CD59: variants seen among roughly 807,000 people sequenced by gnomAD.
The protein encoded by CD59 is CD59 molecule (CD59 blood group).
CD59 carries 3 observed loss-of-function variants against 7.0 expected under a neutral mutation model. The observed-to-expected ratio is 0.43, with a 90% CI of 0.19 to 1.10. The LOEUF is 1.10. Among genes scored for constraint, CD59 ranks in the 50% least tolerant of loss-of-function variants. CD59 has a pLI of 0.29. For synonymous variants in CD59, 60 were observed against 62.0 expected (o/e 0.97, Z 0.15); for missense variants, 143 against 151.0 (o/e 0.95, Z 0.28).
chr11:33,711,275 T>C, intron 3 of CD59: 1 of 615,798 alleles, frequency 1.6e-6, no homozygotes, highest in Non-Finnish European at 2.9e-6. Flanking sequence ...CAGACCAGCC[T>C]GGTCAACATG....
At chr11:33,722,511 C>T (rs1351461987) in intron 1 of CD59, 48 bp from the exon 2 acceptor site, 3 of 1,606,706 alleles carry the variant, frequency 1.9e-6, no homozygotes, top group East Asian at 2.2e-5. Flanking sequence ...CAAATGACTG[C>T]TGGTTGTCTC....
At chr11:33,722,521 CA>C in intron 1 of CD59, 58 bp from the exon 2 acceptor site, 1 of 1,602,340 alleles carries the variant, frequency 6.2e-7, no homozygotes. Flanking sequence ...CTGGTTGTCT[CA>C]AAAACCAAGG....
At chr11:33,716,857 C>T (rs1032653337) in intron 3 of CD59, among the ~76,000 whole-genome samples, 1 of 152,190 alleles carries the variant, frequency 6.6e-6, no homozygotes, top group African/African-American at 2.4e-5. Flanking sequence ...CAGCTTGAGT[C>T]TCCTCAGGAC....
In CD59 at chr11:33,724,280, C is replaced by T. The variant is rs72920512; in HGVS notation, c.-18-1817G>A. Among the ~76,000 whole-genome samples, 206 of 152,360 alleles carry T rather than the reference C, an allele frequency of 1.4e-3. 1 individual carries two copies. Among genetic ancestry groups the T allele is most frequent in the Non-Finnish European group, 2.4e-3 (162 of 68,034 alleles). On this transcript the variant is annotated intron_variant, in intron 1 of 3. Transcript: ENST00000642928. ...GTCCTTGACATAAATCACACTGCCA[C>T]AACACACAGGGCCCCTGATGGGGAG... is the stretch of plus-strand genomic sequence containing the variant.
rs1042409422 is a variant in CD59 at position 33,705,055 on chromosome 11, T to TA, written c.*5070dup. The stretch of plus-strand genomic sequence containing the variant: ...CCTATGTACTTGCAGAGTAAGAATT[T>TA]AAAAAAATAAACCTGAGAGGTAGTT... On this transcript the variant is annotated 3_prime_UTR_variant, in exon 4 of 4. Coordinates refer to ENST00000642928, the MANE Select transcript of CD59 (RefSeq NM_000611.6). 1 of 152,128 alleles carries TA rather than the reference T, an allele frequency of 6.6e-6. No individual in the cohort carries two copies. The highest frequency in any genetic ancestry group is 1.5e-5 in the Non-Finnish European group (1 of 68,022). The allele number at this position is 152,128 out of a possible 1,614,324, so 9.4% of individuals were successfully genotyped here. A position where few individuals can be genotyped will look rare whatever the true frequency, so the allele number is the denominator to read the frequency against.
At chr11:33,711,056 G>GT (rs1853533654) in intron 3 of CD59, among the ~76,000 whole-genome samples, 1 of 150,328 alleles carries the variant, frequency 6.7e-6, no homozygotes, top group East Asian at 1.9e-4. Flanking sequence ...TAAAGGTGGG[G>GT]GGGGGGCAGA....
At chr11:33,720,921 G>A (rs1854032088) in intron 2 of CD59, among the ~76,000 whole-genome samples, 1 of 152,192 alleles carries the variant, frequency 6.6e-6, no homozygotes. Context: ...GGGCATGTGA[G>A]CTTCACATCT....
intron 1 of CD59, among the ~76,000 whole-genome samples, chr11:33,727,441 A>T (rs1423051754): frequency 6.6e-6 from 1 of 152,250 alleles, no homozygotes; most frequent in East Asian, 1.9e-4. Flanking sequence ...ATCTCAATAG[A>T]CACAGAAAAC....
chr11:33,734,706 G>T (rs1335958636), intron 1 of CD59, among the ~76,000 whole-genome samples: 1 of 152,208 alleles, frequency 6.6e-6, no homozygotes, highest in Non-Finnish European at 1.5e-5. Flanking sequence ...CAAAACCAAG[G>T]TTTAGTGAAT....
At chr11:33,722,133 T>G (rs704701) in intron 2 of CD59, among the ~76,000 whole-genome samples, 56,304 of 151,864 alleles carry the variant, frequency 0.37, 11,271 homozygotes, top group African/African-American at 0.51. Context: ...CAGCCGCCGA[T>G]TGTTGACCCA....
rs1460751062 is a variant in CD59, at chr11:33,736,161, G to A, written c.-19+221C>T. ...GCTTCTGGGAGAGGGCGCGCTCCCCGTTTCTCCTTCCTCGTAGATAAAATG... is the reference window on the plus strand; with the variant it reads ...GCTTCTGGGAGAGGGCGCGCTCCCCATTTCTCCTTCCTCGTAGATAAAATG... On this transcript the variant is annotated intron_variant, in intron 1 of 3. Coordinates refer to ENST00000642928, the MANE Select transcript of CD59 (RefSeq NM_000611.6). This position sits in a 1 kb window ranked among gnomAD's most constrained non-coding sequence, Gnocchi z 4.4. 6.6e-6 allele frequency among the ~76,000 whole-genome samples: 1 copy of A among 152,114 alleles called. No homozygotes were observed. The highest frequency in any genetic ancestry group is 1.5e-5 in the Non-Finnish European group (1 of 68,000).
chr11:33,730,217 CAA>C (rs1341637508), intron 1 of CD59, among the ~76,000 whole-genome samples: 3 of 151,290 alleles, frequency 2.0e-5, no homozygotes, highest in African/African-American at 7.3e-5. Flanking sequence ...TTGCTTGAGC[CAA>C]GAGTTTGAGA....
At chr11:33,727,702 G>T (rs1854299334) in intron 1 of CD59, among the ~76,000 whole-genome samples, 1 of 152,144 alleles carries the variant, frequency 6.6e-6, no homozygotes, top group Non-Finnish European at 1.5e-5. Context: ...GAAATAAAGG[G>T]TATTCAATTG....
chr11:33,725,500 A>T (rs1485164206), intron 1 of CD59, among the ~76,000 whole-genome samples: 1 of 152,194 alleles, frequency 6.6e-6, no homozygotes, highest in Non-Finnish European at 1.5e-5. Flanking sequence ...TATTGTTCTG[A>T]ATGATTTTTA....
At position 33,704,166 on chromosome 11, in the gene CD59, T is replaced by G. The variant is rs1466641303; in HGVS notation, c.*5960A>C. 1 of 152,224 alleles carries G rather than the reference T, an allele frequency of 6.6e-6. No individual in the cohort carries two copies. Among genetic ancestry groups the G allele is most frequent in the African/African-American group, 2.4e-5 (1 of 41,424 alleles). The allele number at this position is 152,224 out of a possible 1,614,324, so 9.4% of individuals were successfully genotyped here. ...TGGCTCTGGGCAGCCTTTGGACATG[T>G]AGTGGTTGTGTCTTGGAATACAAGA... is the stretch of plus-strand genomic sequence containing the variant. On this transcript the variant is annotated 3_prime_UTR_variant, in exon 4 of 4. Transcript: ENST00000642928.
Position 33,721,089 on chromosome 11 carries a change from G to GA in CD59, c.67+1289dup, listed in dbSNP as rs11413393. On this transcript the variant is annotated intron_variant, in intron 2 of 3. Coordinates refer to ENST00000642928, the MANE Select transcript of CD59 (RefSeq NM_000611.6). Reference sequence around the variant, plus strand: ...TATTCCAACTTAAGCAGCAGAGACAGAAAAAAAGAAGGAACCAAGAAAAAT... The same window carrying GA: ...TATTCCAACTTAAGCAGCAGAGACAGAAAAAAAAGAAGGAACCAAGAAAAAT... 5.5e-3 allele frequency among the ~76,000 whole-genome samples: 838 copies of GA among 151,776 alleles called. 8 individuals carry two copies. Among genetic ancestry groups the GA allele is most frequent in the African/African-American group, 0.019 (805 of 41,418 alleles).
chr11:33,726,364 G>T (rs1854260063), intron 1 of CD59, among the ~76,000 whole-genome samples: 1 of 152,154 alleles, frequency 6.6e-6, no homozygotes, highest in Non-Finnish European at 1.5e-5. Flanking sequence ...TTAGAACTCA[G>T]GATTAAGAAA....
chr11:33,717,981 A>G, intron 2 of CD59: 1 of 185,640 alleles, frequency 5.4e-6, no homozygotes, highest in South Asian at 1.1e-4. Flanking sequence ...GCGAGGGAAC[A>G]CTAATTTTGA....
intron 2 of CD59, chr11:33,718,692 T>A (rs1356549591): frequency 6.6e-6 from 1 of 152,190 alleles, no homozygotes; most frequent in African/African-American, 2.4e-5. Context: ...TCATCTTACA[T>A]CAGAAGCAAA....
Sources: allele counts gnomAD v4.1 joint callset (sites outside exome capture counted in the v4.1 genomes callset), GRCh38; gene constraint gnomAD v4.1.1; non-coding constraint Gnocchi (gnomAD v3.1); transcripts MANE v1.5; gene names NCBI Gene and HGNC (gene_info 2026-07-23, HGNC 2026-07-21).